The following ADCY2 variants were observed in gnomAD, a reference collection of about 807,000 sequenced individuals.
ADCY2 encodes the protein adenylate cyclase 2.
Under a neutral mutation model 125.2 loss-of-function variants are expected in ADCY2, and 31 were observed. The observed-to-expected ratio is 0.25, with a 90% CI of 0.19 to 0.33. ADCY2 has a LOEUF of 0.33. Ranked by LOEUF, ADCY2 falls within the 10% of genes least tolerant of loss-of-function variation. The pLI is 1.00. For missense variants in ADCY2, 904 were observed against 1,418.2 expected (o/e 0.64, Z 5.82); for synonymous variants, 512 against 548.4 (o/e 0.93, Z 0.93).
In ADCY2 at chr5:7,714,404, C is replaced by T. The variant is rs563062128; in HGVS notation, c.1622+1505C>T. ...CAGTATTACGTGGGGCAGCGTAAGC[C>T]GGGATGAGTGCAGTCTGGAAGACAA... On this transcript the variant is annotated intron_variant, in intron 11 of 24. Transcript: ENST00000338316. Among the ~76,000 whole-genome samples the T allele has an allele frequency of 4.0e-4, 61 of 152,300 alleles. 1 individual carries two copies. Among genetic ancestry groups the T allele is most frequent in the African/African-American group, 1.4e-3 (58 of 41,578 alleles).
chr5:7,670,490 A>G (rs1461933843), intron 4 of ADCY2, among the ~76,000 whole-genome samples: 1 of 152,238 alleles, frequency 6.6e-6, no homozygotes, highest in African/African-American at 2.4e-5. Context: ...CTACTATGCT[A>G]TTATTTAACC....
chr5:7,531,283 G>A (rs913331565), intron 3 of ADCY2, among the ~76,000 whole-genome samples: 34 of 152,196 alleles, frequency 2.2e-4, no homozygotes, highest in African/African-American at 7.5e-4. Flanking sequence ...GAGGGCCGCC[G>A]TTTTCCTCTA....
At chr5:7,563,164 G>A in intron 3 of ADCY2, among the ~76,000 whole-genome samples, 1 of 152,264 alleles carries the variant, frequency 6.6e-6, no homozygotes, top group African/African-American at 2.4e-5. Flanking sequence ...GAATTAGCAG[G>A]TTACATGGTT....
chr5:7,672,578 C>T lies in ADCY2; in HGVS notation c.721-18113C>T, dbSNP rs142162679. ...GCAGTGGTGCCATCATGGCTTACTA[C>T]AGCCTCGACCTCCTGGGCTTAAAGG... On this transcript the variant is annotated intron_variant, in intron 4 of 24. Coordinates refer to ENST00000338316, the MANE Select transcript of ADCY2 (RefSeq NM_020546.3). 5.3e-3 allele frequency among the ~76,000 whole-genome samples: 803 copies of T among 152,260 alleles called. 7 individuals are homozygous for T. The highest frequency in any genetic ancestry group is 9.1e-3 in the Non-Finnish European group (621 of 68,012).
At chr5:7,634,708 T>C (rs908281862) in intron 4 of ADCY2, among the ~76,000 whole-genome samples, 2 of 152,102 alleles carry the variant, frequency 1.3e-5, no homozygotes, top group Middle Eastern at 3.2e-3. Flanking sequence ...TACAGGTTTT[T>C]TTTTTTTTGG....
At chr5:7,656,530 T>G (rs1739334060) in intron 4 of ADCY2, among the ~76,000 whole-genome samples, 1 of 152,242 alleles carries the variant, frequency 6.6e-6, no homozygotes, top group Non-Finnish European at 1.5e-5. Flanking sequence ...ACAGAAAGTC[T>G]ATATAGAGCT....
At chr5:7,583,207 G>A (rs1337701316) in intron 3 of ADCY2, among the ~76,000 whole-genome samples, 3 of 151,758 alleles carry the variant, frequency 2.0e-5, no homozygotes, top group Admixed American at 1.3e-4. Context: ...AAAGTTGACA[G>A]AACAGTATAC....
intron 3 of ADCY2, among the ~76,000 whole-genome samples, chr5:7,569,105 T>G (rs1735994836): frequency 6.6e-6 from 1 of 152,130 alleles, no homozygotes; most frequent in Admixed American, 6.5e-5. Flanking sequence ...TATGGCCTCA[T>G]GGAGGGATAG....
At chr5:7,482,111 T>C (rs1342030679) in intron 2 of ADCY2, among the ~76,000 whole-genome samples, 2 of 152,196 alleles carry the variant, frequency 1.3e-5, no homozygotes, top group East Asian at 3.9e-4. Flanking sequence ...ATTTAAATTT[T>C]CAAAAAGTAT....
intron 18 of ADCY2, among the ~76,000 whole-genome samples, chr5:7,777,055 C>CTG (rs1553987809): frequency 6.7e-6 from 1 of 149,226 alleles, no homozygotes; most frequent in Non-Finnish European, 1.5e-5. Context: ...AAACTCCCTT[C>CTG]TATATATATA....
At chr5:7,549,926 A>G (rs1458533907) in intron 3 of ADCY2, among the ~76,000 whole-genome samples, 1 of 152,014 alleles carries the variant, frequency 6.6e-6, no homozygotes, top group African/African-American at 2.4e-5. Flanking sequence ...TACTTGCATG[A>G]TTTATTTTTC....
At chr5:7,561,824 C>T (rs1163280159) in intron 3 of ADCY2, among the ~76,000 whole-genome samples, 1 of 152,150 alleles carries the variant, frequency 6.6e-6, no homozygotes, top group East Asian at 1.9e-4. Flanking sequence ...GCCTTTATGC[C>T]TTGCTGTCTT....
chr5:7,548,655 T>C (rs73739837), intron 3 of ADCY2, among the ~76,000 whole-genome samples: 1,606 of 152,246 alleles, frequency 0.011, 29 homozygotes, highest in African/African-American at 0.037. Flanking sequence ...ACTTTAATGG[T>C]TTTTTTCTTA....
At chr5:7,507,328 C>G (rs185191697) in intron 2 of ADCY2, among the ~76,000 whole-genome samples, 1 of 136,596 alleles carries the variant, frequency 7.3e-6, no homozygotes, top group Non-Finnish European at 1.6e-5. Flanking sequence ...GTAGTCCCAG[C>G]TACTTGGGAG....
intron 22 of ADCY2, among the ~76,000 whole-genome samples, chr5:7,806,680 C>T (rs1050217937): frequency 7.9e-5 from 12 of 152,116 alleles, no homozygotes; most frequent in African/African-American, 2.4e-4. Flanking sequence ...TCCGTTGGAT[C>T]GGAGCTCCAC....
intron 11 of ADCY2, among the ~76,000 whole-genome samples, chr5:7,714,251 C>A (rs1484121999): frequency 6.6e-6 from 1 of 152,184 alleles, no homozygotes; most frequent in East Asian, 1.9e-4. Context: ...CAACTGACCA[C>A]AGAAATGTCA....
At chr5:7,440,918 G>A (rs1740989949) in intron 2 of ADCY2, among the ~76,000 whole-genome samples, 1 of 152,186 alleles carries the variant, frequency 6.6e-6, no homozygotes, top group Non-Finnish European at 1.5e-5. Context: ...ACAGCCCTTT[G>A]AGGTAGAAGA....
At chr5:7,440,837 A>G (rs1740987364) in intron 2 of ADCY2, among the ~76,000 whole-genome samples, 1 of 152,210 alleles carries the variant, frequency 6.6e-6, no homozygotes, top group Non-Finnish European at 1.5e-5. Flanking sequence ...GTGTGGCCCA[A>G]GAGTTGAGCA....
rs62342471 is a variant in ADCY2, at chr5:7,736,683, T to C, written c.1872-6985T>C. 1.3e-3 allele frequency among the ~76,000 whole-genome samples: 201 copies of C among 152,250 alleles called. 1 individual carries two copies. The highest frequency in any genetic ancestry group is 9.3e-3 in the South Asian group (45 of 4,830). Reference sequence around the variant, plus strand: ...AGGTCTATTTGACCTGACTTCAGAATGTCTCTGTCAACTCTCTTCATGGTG... The same window carrying C: ...AGGTCTATTTGACCTGACTTCAGAACGTCTCTGTCAACTCTCTTCATGGTG... On this transcript the variant is annotated intron_variant, in intron 14 of 24. Transcript: ENST00000338316.
Sources: gnomAD v4.1 joint callset for allele counts (sites outside exome capture counted in the v4.1 genomes callset) on GRCh38, gnomAD v4.1.1 for gene constraint, MANE v1.5 for transcripts, NCBI Gene and HGNC (gene_info 2026-07-23, HGNC 2026-07-21) for gene names.